The following TGFBR1 variants were observed in gnomAD, a reference collection of about 807,000 sequenced individuals.
TGFBR1 encodes the protein TGF-beta receptor type-1.
Under a neutral mutation model 55.1 loss-of-function variants are expected in TGFBR1, and 20 were observed. That is an observed-to-expected ratio of 0.36 (90% CI 0.26 to 0.53). TGFBR1 has a LOEUF of 0.53. Among genes scored for constraint, TGFBR1 ranks in the 20% least tolerant of loss-of-function variants. The probability of loss-of-function intolerance (pLI) is 0.91; values close to 1 mark genes in which losing one functional copy is unlikely to be tolerated. For synonymous variants in TGFBR1, 220 were observed against 214.8 expected (o/e 1.02, Z -0.21); for missense variants, 385 against 617.6 (o/e 0.62, Z 3.99).
At chr9:99,107,749 C>A (rs1032105658) in intron 1 of TGFBR1, among the ~76,000 whole-genome samples, 37 of 152,200 alleles carry the variant, frequency 2.4e-4, no homozygotes, top group Non-Finnish European at 3.7e-4. Context: ...ATGATTGGGG[C>A]CATCTCTGAG....
chr9:99,144,962 C>T, intron 6 of TGFBR1, 74 bp downstream of exon 6: 1 of 1,524,640 alleles, frequency 6.6e-7, no homozygotes. Context: ...ATATACATAT[C>T]ATTGCTGAAA....
rs1273201235 is a variant in TGFBR1 at position 99,152,048 on chromosome 9, T to C, written c.*2743T>C. The C allele has an allele frequency of 2.0e-5, 4 of 201,262 alleles. No individual in the cohort carries two copies. Among genetic ancestry groups the C allele is most frequent in the African/African-American group, 2.3e-5 (1 of 43,628 alleles). The allele number at this position is 201,262 out of a possible 1,614,324, so 12.5% of individuals were successfully genotyped here. ...AGACATCCCTGGTCCATCCTTTCTG[T>C]CTCCAGCTGTTTCTTGGAACCTGCT... On this transcript the variant is annotated 3_prime_UTR_variant, in exon 9 of 9. Transcript: ENST00000374994.
At chr9:99,140,845 G>T (rs774422880) in intron 4 of TGFBR1, among the ~76,000 whole-genome samples, 92 of 152,186 alleles carry the variant, frequency 6.0e-4, no homozygotes, top group Non-Finnish European at 2.9e-4. Flanking sequence ...TACAAACACA[G>T]CAGCACAAAA....
rs200721028 is a variant in TGFBR1 at position 99,153,337 on chromosome 9, C to G, written c.*4032C>G. The G allele has an allele frequency of 3.2e-5, 7 of 217,298 alleles. No homozygotes were observed. Among genetic ancestry groups the G allele is most frequent in the African/African-American group, 1.3e-4 (6 of 44,634 alleles). The allele number at this position is 217,298 out of a possible 1,614,324, so 13.5% of individuals were successfully genotyped here. On this transcript the variant is annotated 3_prime_UTR_variant, in exon 9 of 9. Coordinates refer to ENST00000374994, the MANE Select transcript of TGFBR1 (RefSeq NM_004612.4). ...ATATTTGTACCCCAAATAACATCGTCTGTACTTTCTGTTTTCTGTATTGTA... is the reference window on the plus strand; with the variant it reads ...ATATTTGTACCCCAAATAACATCGTGTGTACTTTCTGTTTTCTGTATTGTA...
chr9:99,139,322 C>T (rs890301137), intron 4 of TGFBR1, among the ~76,000 whole-genome samples: 1 of 151,994 alleles, frequency 6.6e-6, no homozygotes, highest in African/African-American at 2.4e-5. Context: ...CAGTGTTTAA[C>T]CTCAGTTGGT....
rs1230883665 is a variant in TGFBR1 at position 99,131,845 on chromosome 9, G to C, written c.344-664G>C. The stretch of plus-strand genomic sequence containing the variant: ...TAGCCAGGTGTGGTGGCACATGCCT[G>C]TAATCCCAGCTACTTGGGAGGCTCA... On this transcript the variant is annotated intron_variant, in intron 2 of 8. Transcript: ENST00000374994. Among the ~76,000 whole-genome samples the C allele has an allele frequency of 7.2e-5, 11 of 152,132 alleles. No individual in the cohort carries two copies. The East Asian group carries it at 2.1e-3, about 29-fold the overall frequency.
chr9:99,142,436 C>A, intron 4 of TGFBR1, 100 bp from the exon 5 acceptor site: 1 of 1,261,754 alleles, frequency 7.9e-7, no homozygotes, highest in Non-Finnish European at 1.2e-6. Flanking sequence ...CATTATATTG[C>A]AGTGTGTGAC....
intron 3 of TGFBR1, among the ~76,000 whole-genome samples, chr9:99,133,996 TAAAAAAAAAA>T (rs550064982): frequency 9.0e-6 from 1 of 110,626 alleles, no homozygotes; most frequent in African/African-American, 3.4e-5. Flanking sequence ...AGACTCCATC[TAAAAAAAAAA>T]AAAAAAAAAA....
intron 1 of TGFBR1, among the ~76,000 whole-genome samples, chr9:99,127,572 G>A (rs1400249555): frequency 1.3e-5 from 2 of 152,126 alleles, no homozygotes; most frequent in African/African-American, 4.8e-5. Flanking sequence ...GTCTTTCTTG[G>A]GAATATGCAG....
chr9:99,125,238 ACAT>A (rs1284186453), intron 1 of TGFBR1, among the ~76,000 whole-genome samples: 1 of 152,218 alleles, frequency 6.6e-6, no homozygotes, highest in Non-Finnish European at 1.5e-5. Flanking sequence ...TCAGGATGAG[ACAT>A]CATACCTAAC....
chr9:99,134,802 TTATATATATATATATA>T lies in TGFBR1; in HGVS notation c.574+2099_574+2114del, dbSNP rs10625219. ...AAACAATGGAATAATTCTGTTTCCATTATATATATATATATATATATATATATATATATATATATAT... is the reference window on the plus strand; with the variant it reads ...AAACAATGGAATAATTCTGTTTCCATTATATATATATATATATATATATAT... On this transcript the variant is annotated intron_variant, in intron 3 of 8. Coordinates refer to ENST00000374994, the MANE Select transcript of TGFBR1 (RefSeq NM_004612.4). Among the ~76,000 whole-genome samples, 189 of 41,372 alleles carry T rather than the reference TTATATATATATATATA, an allele frequency of 4.6e-3. 2 individuals are homozygous for T. Among genetic ancestry groups the T allele is most frequent in the Non-Finnish European group, 5.4e-3 (128 of 23,704 alleles). The allele number at this position is 41,372 out of a possible 152,430, so 27.1% of individuals were successfully genotyped here. A position where few individuals can be genotyped will look rare whatever the true frequency, so the allele number is the denominator to read the frequency against.
chr9:99,112,574 T>C (rs1372731709), intron 1 of TGFBR1, among the ~76,000 whole-genome samples: 1 of 152,170 alleles, frequency 6.6e-6, no homozygotes, highest in African/African-American at 2.4e-5. Flanking sequence ...GTATCTCAAG[T>C]GTATGGAAAG....
At chr9:99,112,564 G>T (rs141304992) in intron 1 of TGFBR1, among the ~76,000 whole-genome samples, 55 of 152,200 alleles carry the variant, frequency 3.6e-4, no homozygotes, top group Middle Eastern at 3.4e-3. Flanking sequence ...GTTCACTAAT[G>T]TATCTCAAGT....
chr9:99,107,621 T>C (rs1826450507), intron 1 of TGFBR1, among the ~76,000 whole-genome samples: 1 of 152,242 alleles, frequency 6.6e-6, no homozygotes, highest in Admixed American at 6.5e-5. Flanking sequence ...CTTTCCCATG[T>C]TTTTCTCATC....
rs758690027 is a variant in TGFBR1 at position 99,146,614 on chromosome 9, A to G, written c.1255+5A>G. On this transcript the variant is annotated splice_donor_5th_base_variant and intron_variant, in intron 7 of 8. Coordinates refer to ENST00000374994, the MANE Select transcript of TGFBR1 (RefSeq NM_004612.4). The stretch of plus-strand genomic sequence containing the variant: ...CTCGACGATGTTCCATTGGTGGTAA[A>G]TTGCTCTCCTCTCCCCCAGTAGTTT... The G allele has an allele frequency of 6.2e-7, 1 of 1,613,860 alleles. No homozygotes were observed. The highest frequency in any genetic ancestry group is 1.1e-5 in the South Asian group (1 of 91,068).
chr9:99,105,566 C>G (rs1391300235), intron 1 of TGFBR1, among the ~76,000 whole-genome samples: 3 of 151,414 alleles, frequency 2.0e-5, no homozygotes, highest in African/African-American at 4.8e-5. Context: ...CGGGACTCCC[C>G]GGGGAGGTGG....
At chr9:99,134,882 C>G (rs1827386113) in intron 3 of TGFBR1, among the ~76,000 whole-genome samples, 1 of 129,936 alleles carries the variant, frequency 7.7e-6, no homozygotes, top group Non-Finnish European at 1.6e-5. Flanking sequence ...CCATAGCTCT[C>G]TGTTCTCTGA....
At chr9:99,128,025 A>G (rs1379640305) in intron 1 of TGFBR1, 1 of 456,010 alleles carries the variant, frequency 2.2e-6, no homozygotes, top group South Asian at 1.5e-5. Flanking sequence ...TGTTTTGGAG[A>G]GCACTTAACT....
intron 1 of TGFBR1, among the ~76,000 whole-genome samples, chr9:99,121,171 T>G (rs886171328): frequency 2.0e-5 from 3 of 152,220 alleles, no homozygotes; most frequent in African/African-American, 7.2e-5. Flanking sequence ...TCTGATGCCC[T>G]AAATTCAGGG....
Sources: allele counts gnomAD v4.1 joint callset (sites outside exome capture counted in the v4.1 genomes callset), GRCh38; gene constraint gnomAD v4.1.1; transcripts MANE v1.5; gene names NCBI Gene and HGNC (gene_info 2026-07-23, HGNC 2026-07-21).